The following ZDHHC14 variants were observed in gnomAD, a reference collection of about 807,000 sequenced individuals.
ZDHHC14 encodes the protein palmitoyltransferase ZDHHC14.
A neutral mutation model predicts 47.7 loss-of-function variants in ZDHHC14; 16 were observed. The ratio of observed to expected loss-of-function variants is 0.34; its 90% CI spans 0.23 to 0.51. The LOEUF is 0.51. ZDHHC14 is among the 20% of genes least tolerant of loss of function. The pLI is 0.97. For missense variants in ZDHHC14, 515 were observed against 662.5 expected (o/e 0.78, Z 2.44); for synonymous variants, 293 against 278.9 (o/e 1.05, Z -0.50).
intron 2 of ZDHHC14, among the ~76,000 whole-genome samples, chr6:157,571,173 C>T (rs1322378445): frequency 6.6e-6 from 1 of 152,198 alleles, no homozygotes; most frequent in Non-Finnish European, 1.5e-5. Context: ...CGTTAAAGTT[C>T]AAGCAAATAG....
At chr6:157,464,496 A>G (rs755812589) in intron 1 of ZDHHC14, among the ~76,000 whole-genome samples, 2 of 152,162 alleles carry the variant, frequency 1.3e-5, no homozygotes, top group African/African-American at 4.8e-5. Flanking sequence ...TATTCAGTAA[A>G]TATTATTGAC....
At chr6:157,542,211 G>C (rs561678086) in intron 1 of ZDHHC14, among the ~76,000 whole-genome samples, 2 of 152,286 alleles carry the variant, frequency 1.3e-5, no homozygotes, top group South Asian at 4.1e-4. Flanking sequence ...AATCCCAGGG[G>C]AGGGCAGGGG....
intron 1 of ZDHHC14, among the ~76,000 whole-genome samples, chr6:157,421,240 T>C (rs759463164): frequency 1.8e-4 from 28 of 151,662 alleles, no homozygotes; most frequent in Admixed American, 3.3e-4. Context: ...TGGCTCACGC[T>C]TGTAATCCCA....
chr6:157,573,490 T>C (rs1783177339), intron 2 of ZDHHC14, among the ~76,000 whole-genome samples: 1 of 152,040 alleles, frequency 6.6e-6, no homozygotes, highest in Non-Finnish European at 1.5e-5. Flanking sequence ...AGACGAACCA[T>C]CTCTATGCGG....
chr6:157,538,276 C>T (rs1781614049), intron 1 of ZDHHC14, among the ~76,000 whole-genome samples: 1 of 152,156 alleles, frequency 6.6e-6, no homozygotes, highest in Non-Finnish European at 1.5e-5. Context: ...ACATGAGGCA[C>T]ACTCGGCTCA....
At chr6:157,644,362 C>T (rs139157967) in intron 5 of ZDHHC14, among the ~76,000 whole-genome samples, 3 of 152,350 alleles carry the variant, frequency 2.0e-5, no homozygotes, top group East Asian at 1.9e-4. Context: ...ACAGAGCCCC[C>T]ACTGTAGCCA....
At position 157,677,024 on chromosome 6, in the gene ZDHHC14, T is replaced by C. The variant is rs1371097892; in HGVS notation, c.*3902T>C. ...ATAAAGGAGAACAAATATTAAATACTCTTTTCTAATTGATGCCTTACTACT... is the reference window on the plus strand; with the variant it reads ...ATAAAGGAGAACAAATATTAAATACCCTTTTCTAATTGATGCCTTACTACT... On this transcript the variant is annotated 3_prime_UTR_variant, in exon 9 of 9. Transcript: ENST00000359775. 1 of 152,216 alleles carries C rather than the reference T, an allele frequency of 6.6e-6. No homozygotes were observed. Among genetic ancestry groups the C allele is most frequent in the Non-Finnish European group, 1.5e-5 (1 of 68,040 alleles). 9.4% of individuals were successfully genotyped at this position (152,216 alleles called of 1,614,324 possible). A position where few individuals can be genotyped will look rare whatever the true frequency, so the allele number is the denominator to read the frequency against.
chr6:157,458,767 G>C (rs1199443170), intron 1 of ZDHHC14, among the ~76,000 whole-genome samples: 1 of 149,844 alleles, frequency 6.7e-6, no homozygotes, highest in East Asian at 2.0e-4. Flanking sequence ...TCAATTAAAA[G>C]CATCACTCAA....
intron 2 of ZDHHC14, among the ~76,000 whole-genome samples, chr6:157,549,948 A>T (rs752750431): frequency 3.3e-5 from 5 of 152,216 alleles, no homozygotes; most frequent in Admixed American, 2.0e-4. Flanking sequence ...ACATTACTAT[A>T]CACTGATTGG....
rs140695162 is a variant in ZDHHC14, at chr6:157,418,669, A to G, written c.245+36403A>G. On this transcript the variant is annotated intron_variant, in intron 1 of 8. Coordinates refer to ENST00000359775, the MANE Select transcript of ZDHHC14 (RefSeq NM_024630.3). ...TTCGAGTGTGCCATTTTCCTACACAATGAAATACAGATAGCTATGTTCTAC... is the reference window on the plus strand; with the variant it reads ...TTCGAGTGTGCCATTTTCCTACACAGTGAAATACAGATAGCTATGTTCTAC... Among the ~76,000 whole-genome samples the G allele has an allele frequency of 5.1e-3, 777 of 152,312 alleles. 1 individual carries two copies. Among genetic ancestry groups the G allele is most frequent in the Non-Finnish European group, 8.6e-3 (586 of 68,022 alleles).
chr6:157,570,667 A>G (rs1309386231), intron 2 of ZDHHC14, among the ~76,000 whole-genome samples: 2 of 152,166 alleles, frequency 1.3e-5, no homozygotes, highest in Admixed American at 1.3e-4. Flanking sequence ...GGATTAACTC[A>G]GTTAAACTAA....
intron 1 of ZDHHC14, among the ~76,000 whole-genome samples, chr6:157,495,915 G>C (rs1780052485): frequency 6.6e-6 from 1 of 152,008 alleles, no homozygotes. Flanking sequence ...ATGTTGACCA[G>C]GCTGGTCTTG....
At chr6:157,514,839 G>A (rs928934755) in intron 1 of ZDHHC14, among the ~76,000 whole-genome samples, 2 of 152,198 alleles carry the variant, frequency 1.3e-5, no homozygotes, top group African/African-American at 4.8e-5. Flanking sequence ...CATTCCAGGA[G>A]TATGGGGGTG....
intron 5 of ZDHHC14, among the ~76,000 whole-genome samples, chr6:157,634,151 C>T (rs1179256878): frequency 6.6e-6 from 1 of 151,894 alleles, no homozygotes; most frequent in African/African-American, 2.4e-5. Context: ...TCTCTTTTTC[C>T]AGTACCTCTG....
chr6:157,597,375 T>C (rs376226177), intron 3 of ZDHHC14, among the ~76,000 whole-genome samples: 92 of 152,280 alleles, frequency 6.0e-4, no homozygotes, highest in African/African-American at 2.1e-3. Context: ...ATGTCTGTCG[T>C]TTGGTGGGCC....
At chr6:157,612,169 G>A (rs1274342525) in intron 3 of ZDHHC14, among the ~76,000 whole-genome samples, 1 of 152,164 alleles carries the variant, frequency 6.6e-6, no homozygotes, top group Non-Finnish European at 1.5e-5. Context: ...CTTACTAGGT[G>A]GATCCCAGCT....
intron 1 of ZDHHC14, among the ~76,000 whole-genome samples, chr6:157,411,151 C>CT (rs1389132261): frequency 1.3e-5 from 2 of 152,020 alleles, no homozygotes; most frequent in African/African-American, 2.4e-5. Context: ...AATCCTAGGG[C>CT]TTAGGGTGAG....
At chr6:157,497,142 A>C (rs1780087868) in intron 1 of ZDHHC14, among the ~76,000 whole-genome samples, 1 of 152,204 alleles carries the variant, frequency 6.6e-6, no homozygotes, top group Non-Finnish European at 1.5e-5. Flanking sequence ...TTGGAAGAGC[A>C]AAGCTCTTTG....
intron 1 of ZDHHC14, among the ~76,000 whole-genome samples, chr6:157,446,633 C>A (rs1350991167): frequency 6.6e-6 from 1 of 151,786 alleles, no homozygotes; most frequent in Non-Finnish European, 1.5e-5. Flanking sequence ...TGGCCTCGAA[C>A]TCCTGACCTC....
Sources: allele counts gnomAD v4.1 joint callset (sites outside exome capture counted in the v4.1 genomes callset), GRCh38; gene constraint gnomAD v4.1.1; transcripts MANE v1.5; gene names NCBI Gene and HGNC (gene_info 2026-07-23, HGNC 2026-07-21).